PUM1: variants seen among roughly 807,000 people sequenced by gnomAD.
PUM1 encodes the protein pumilio homolog 1.
PUM1 carries 13 observed loss-of-function variants against 131.8 expected under a neutral mutation model. The ratio of observed to expected loss-of-function variants is 0.10; its 90% CI spans 0.06 to 0.16. PUM1 has a LOEUF of 0.16. Among genes scored for constraint, PUM1 ranks in the 10% least tolerant of loss-of-function variants. The pLI, the probability that PUM1 is intolerant of heterozygous loss-of-function variation, is 1.00. For missense variants in PUM1, 961 were observed against 1,512.4 expected (o/e 0.64, Z 6.05); for synonymous variants, 509 against 556.5 (o/e 0.91, Z 1.20).
In PUM1 at chr1:30,965,963, A is replaced by G. The variant is rs759114143; in HGVS notation, c.2086+19T>C. Reference sequence around the variant, plus strand: ...ATAATTAAAATTCAGTCTTAAGAGCATATCAGTCTAATTTCTACCTGCTGT... The same window carrying G: ...ATAATTAAAATTCAGTCTTAAGAGCGTATCAGTCTAATTTCTACCTGCTGT... On this transcript the variant is annotated intron_variant, in intron 13 of 21. Coordinates refer to ENST00000426105, the MANE Select transcript of PUM1 (RefSeq NM_001020658.2). The G allele has an allele frequency of 3.1e-6, 5 of 1,598,344 alleles. No individual in the cohort carries two copies. The highest frequency in any genetic ancestry group is 2.7e-5 in the African/African-American group (2 of 74,308).
intron 10 of PUM1, among the ~76,000 whole-genome samples, chr1:30,971,782 ACT>A (rs1341688036): frequency 6.6e-6 from 1 of 152,096 alleles, no homozygotes; most frequent in African/African-American, 2.4e-5. Context: ...ACAGCACTTA[ACT>A]CTGCACAGAA....
intron 8 of PUM1, among the ~76,000 whole-genome samples, chr1:30,980,896 T>C (rs868254516): frequency 2.0e-5 from 3 of 152,216 alleles, no homozygotes; most frequent in Admixed American, 1.3e-4. Context: ...GAGAATACTT[T>C]TAAATTTTTT....
intron 9 of PUM1, among the ~76,000 whole-genome samples, chr1:30,978,544 G>C (rs917059202): frequency 3.3e-5 from 5 of 152,152 alleles, no homozygotes; most frequent in Non-Finnish European, 5.9e-5. Context: ...GAAATGCTAG[G>C]CTACATTTAA....
intron 2 of PUM1, among the ~76,000 whole-genome samples, chr1:31,048,349 C>G (rs752275948): frequency 6.6e-6 from 1 of 151,880 alleles, no homozygotes; most frequent in Non-Finnish European, 1.5e-5. Flanking sequence ...ATTCCAAACA[C>G]AACTCTCCCT....
At chr1:31,023,638 GAACCC>G (rs1468172023) in intron 3 of PUM1, among the ~76,000 whole-genome samples, 1 of 152,104 alleles carries the variant, frequency 6.6e-6, no homozygotes, top group Non-Finnish European at 1.5e-5. Flanking sequence ...TCACTTTAAA[GAACCC>G]AACGAAGCCA....
chr1:31,006,244 G>T (rs570240183), intron 4 of PUM1, among the ~76,000 whole-genome samples: 3 of 152,246 alleles, frequency 2.0e-5, no homozygotes, highest in South Asian at 4.1e-4. Flanking sequence ...GAATACAACA[G>T]TTTATCTAGC....
At chr1:31,001,916 C>G (rs1433523296) in intron 5 of PUM1, among the ~76,000 whole-genome samples, 1 of 152,156 alleles carries the variant, frequency 6.6e-6, no homozygotes, top group Non-Finnish European at 1.5e-5. Context: ...TCTGGGTAGT[C>G]TTGTCAAAAT....
chr1:30,955,116 G>GA (rs1308913532), intron 14 of PUM1, among the ~76,000 whole-genome samples: 6 of 150,970 alleles, frequency 4.0e-5, no homozygotes, highest in South Asian at 2.1e-4. Flanking sequence ...CAAACAAACA[G>GA]AAAAAAACAG....
chr1:31,016,279 AAG>A (rs770922441), intron 3 of PUM1, among the ~76,000 whole-genome samples: 9 of 152,232 alleles, frequency 5.9e-5, no homozygotes, highest in African/African-American at 4.8e-5. Flanking sequence ...TATTCTGGGT[AAG>A]AGATACCCAA....
At chr1:31,065,173 G>A (rs1052762663) in intron 1 of PUM1, among the ~76,000 whole-genome samples, 2 of 152,104 alleles carry the variant, frequency 1.3e-5, no homozygotes, top group African/African-American at 4.8e-5. Context: ...TCCTCCTCCG[G>A]CGCTGCCACG....
intron 18 of PUM1, 85 bp downstream of exon 18, chr1:30,945,261 T>C: frequency 6.7e-7 from 1 of 1,493,590 alleles, no homozygotes; most frequent in Non-Finnish European, 9.2e-7. Context: ...TTAAGCATAT[T>C]GAGAACATGC....
intron 2 of PUM1, among the ~76,000 whole-genome samples, chr1:31,048,711 T>C (rs1353883760): frequency 6.6e-6 from 1 of 151,780 alleles, no homozygotes; most frequent in African/African-American, 2.4e-5. Context: ...CCTGACCTCA[T>C]GATCCGCCTG....
rs142318461 is a variant in PUM1, at chr1:30,941,231, G to A, written c.3162C>T (p.His1054=). ...GNYVIQHVLE[H]GRPEDKSKIV... ...TTTTGCTTTTATCCTCAGGACGACC[G>A]TGCTCCAGTACATGTTGGATTACAT... Residue 1054 remains histidine (H), a synonymous_variant, in exon 20 of 22, where the codon CAC becomes CAT. Coordinates refer to ENST00000426105, the MANE Select transcript of PUM1 (RefSeq NM_001020658.2). 30 of 1,611,994 alleles carry A rather than the reference G, an allele frequency of 1.9e-5. No individual in the cohort carries two copies. The highest frequency in any genetic ancestry group is 3.3e-5 in the Admixed American group (2 of 59,978).
chr1:30,995,254 T>C, intron 5 of PUM1, 34 bp from the exon 6 acceptor site: 1 of 1,611,636 alleles, frequency 6.2e-7, no homozygotes, highest in Non-Finnish European at 8.5e-7. Flanking sequence ...TCACTAATCG[T>C]CATCAACTAA....
chr1:30,948,990 G>A (rs970340442), intron 17 of PUM1: 11 of 419,452 alleles, frequency 2.6e-5, no homozygotes, highest in Non-Finnish European at 4.8e-5. Flanking sequence ...CACCAGCATC[G>A]TGGCACATAC....
intron 10 of PUM1, among the ~76,000 whole-genome samples, chr1:30,969,371 G>C (rs1640779602): frequency 1.3e-5 from 2 of 151,404 alleles, no homozygotes; most frequent in Non-Finnish European, 2.9e-5. Context: ...GTTGGGAGGG[G>C]TTCCAGACAA....
intron 3 of PUM1, among the ~76,000 whole-genome samples, chr1:31,024,692 T>C (rs1428345308): frequency 6.6e-6 from 1 of 152,196 alleles, no homozygotes; most frequent in East Asian, 1.9e-4. Flanking sequence ...TTTTTAAAAG[T>C]TAAAAAACCA....
chr1:30,933,428 T>TCACACA (rs1223375046), intron 21 of PUM1, 86 bp from the exon 22 acceptor site: 38 of 950,496 alleles, frequency 4.0e-5, no homozygotes, highest in African/African-American at 2.8e-4. Context: ...ATGTCATGCA[T>TCACACA]CACACACACA....
intron 2 of PUM1, among the ~76,000 whole-genome samples, chr1:31,058,712 T>G (rs1191770413): frequency 6.6e-6 from 1 of 150,850 alleles, no homozygotes; most frequent in Non-Finnish European, 1.5e-5. Flanking sequence ...GGCTCACAAC[T>G]GTAATCCCAG....
Sources: gnomAD v4.1 joint callset for allele counts (sites outside exome capture counted in the v4.1 genomes callset) on GRCh38, gnomAD v4.1.1 for gene constraint, MANE v1.5 for transcripts, NCBI Gene and HGNC (gene_info 2026-07-23, HGNC 2026-07-21) for gene names.